CTNND2: variants seen among roughly 807,000 people sequenced by gnomAD.
CTNND2 encodes catenin delta 2, also known as catenin delta-2.
A neutral mutation model predicts 144.4 loss-of-function variants in CTNND2; 22 were observed. The observed-to-expected ratio is 0.15, with a 90% CI of 0.11 to 0.22. The LOEUF is 0.22. CTNND2 is among the 10% of genes least tolerant of loss of function. The pLI is 1.00. For missense variants in CTNND2, 1,353 were observed against 1,618.8 expected, an observed-to-expected ratio of 0.84 and a Z score of 2.82; for synonymous variants, 751 against 695.6, an observed-to-expected ratio of 1.08 and a Z score of -1.25.
chr5:11,451,246 C>A (rs909473713), intron 3 of CTNND2, among the ~76,000 whole-genome samples: 1 of 152,110 alleles, frequency 6.6e-6, no homozygotes, highest in African/African-American at 2.4e-5. Context: ...CATATAATCA[C>A]CTATTTAAAA....
chr5:11,537,785 T>C (rs1774357196), intron 3 of CTNND2, among the ~76,000 whole-genome samples: 1 of 152,190 alleles, frequency 6.6e-6, no homozygotes, highest in African/African-American at 2.4e-5. Context: ...TAAACGTATC[T>C]TAGCATCACA....
chr5:11,485,641 T>A (rs1361293154), intron 3 of CTNND2, among the ~76,000 whole-genome samples: 1 of 152,138 alleles, frequency 6.6e-6, no homozygotes, highest in Non-Finnish European at 1.5e-5. Context: ...CATTATTTGG[T>A]AAACAATAAT....
intron 6 of CTNND2, among the ~76,000 whole-genome samples, chr5:11,386,179 G>C (rs1288833342): frequency 1.3e-5 from 2 of 152,218 alleles, no homozygotes; most frequent in Non-Finnish European, 2.9e-5. Context: ...CTTCTGGGCA[G>C]GAGGTCTCAG....
intron 3 of CTNND2, among the ~76,000 whole-genome samples, chr5:11,520,385 T>C (rs1772616620): frequency 6.6e-6 from 1 of 152,158 alleles, no homozygotes; most frequent in Non-Finnish European, 1.5e-5. Flanking sequence ...CTGTGATACT[T>C]GCTATGAGTG....
chr5:11,833,075 T>A (rs1332259497), intron 1 of CTNND2, among the ~76,000 whole-genome samples: 1 of 152,212 alleles, frequency 6.6e-6, no homozygotes, highest in African/African-American at 2.4e-5. Context: ...GGCAATTCTG[T>A]AAGAGTTTGG....
At chr5:11,029,727 A>G (rs1436956338) in intron 16 of CTNND2, among the ~76,000 whole-genome samples, 1 of 152,250 alleles carries the variant, frequency 6.6e-6, no homozygotes, top group East Asian at 1.9e-4. Flanking sequence ...CAATAATGCT[A>G]GCCTTTAAAC....
At chr5:11,427,046 G>T (rs1344567088) in intron 3 of CTNND2, among the ~76,000 whole-genome samples, 1 of 152,076 alleles carries the variant, frequency 6.6e-6, no homozygotes, top group Non-Finnish European at 1.5e-5. Context: ...CAGTGATTCT[G>T]CAAACAAGTT....
rs1275622204 is a variant in CTNND2, at chr5:10,992,586, A to T, written c.3176T>A (p.Ile1059Asn). The T allele has an allele frequency of 6.2e-7, 1 of 1,613,890 alleles. No individual in the cohort carries two copies. Among genetic ancestry groups the T allele is most frequent in the African/African-American group, 1.3e-5 (1 of 74,970 alleles). ...GTTGGGAGACACGCGCACAGGGGAG[A>T]TGGAGGGCGTGCGGGAGGAGGAGTA... is the stretch of plus-strand genomic sequence containing the variant. The part of the protein sequence containing the change: ...RPYSSSRTPS[I>N]SPVRVSPNNR... Residue 1059 changes from isoleucine to asparagine, a missense_variant, in exon 19 of 22, where the codon ATC (isoleucine) becomes AAC (asparagine). By Grantham distance (149) the Ile-to-Asn change is moderately radical (BLOSUM62 -3). Coordinates refer to ENST00000304623, the MANE Select transcript of CTNND2 (RefSeq NM_001332.4).
chr5:11,123,568 T>C (rs1439914697), intron 12 of CTNND2, among the ~76,000 whole-genome samples: 1 of 152,254 alleles, frequency 6.6e-6, no homozygotes, highest in African/African-American at 2.4e-5. Context: ...GGATCTAATC[T>C]ACATGTGTGC....
chr5:11,259,017 A>C (rs986619269), intron 9 of CTNND2, among the ~76,000 whole-genome samples: 4 of 152,180 alleles, frequency 2.6e-5, no homozygotes, highest in African/African-American at 9.7e-5. Context: ...ATCAAACACA[A>C]ATCCACAAGT....
intron 2 of CTNND2, among the ~76,000 whole-genome samples, chr5:11,654,254 A>G (rs1384569431): frequency 1.3e-5 from 2 of 151,982 alleles, no homozygotes; most frequent in Admixed American, 1.3e-4. Flanking sequence ...TTATTTTTCT[A>G]TTTCTGTAAA....
At chr5:11,240,301 AAC>A (rs1264279066) in intron 9 of CTNND2, among the ~76,000 whole-genome samples, 2 of 93,252 alleles carry the variant, frequency 2.1e-5, no homozygotes, top group African/African-American at 4.2e-5. Flanking sequence ...ACACACACCC[AAC>A]ACACATACAC....
intron 2 of CTNND2, among the ~76,000 whole-genome samples, chr5:11,722,105 G>A (rs1012986133): frequency 6.6e-6 from 1 of 152,098 alleles, no homozygotes; most frequent in Non-Finnish European, 1.5e-5. Flanking sequence ...CTCACTTCCT[G>A]TGTTGATGAA....
chr5:11,209,715 G>A (rs1738423509), intron 10 of CTNND2, among the ~76,000 whole-genome samples: 1 of 152,168 alleles, frequency 6.6e-6, no homozygotes, highest in South Asian at 2.1e-4. Flanking sequence ...GAGGTCAGGA[G>A]ATTGAGACCA....
intron 9 of CTNND2, among the ~76,000 whole-genome samples, chr5:11,285,315 T>C (rs536025386): frequency 6.6e-6 from 1 of 152,304 alleles, no homozygotes; most frequent in South Asian, 2.1e-4. Context: ...GAAGCCCAGT[T>C]CTATAGTGAA....
At chr5:11,069,372 T>G (rs1860243) in intron 16 of CTNND2, among the ~76,000 whole-genome samples, 150,130 of 152,292 alleles carry the variant, frequency 0.99, 74,007 homozygotes, top group East Asian at 1. Flanking sequence ...TGTCTTGGAA[T>G]ATGGGTTAGG....
chr5:11,654,319 T>C (rs1365934170), intron 2 of CTNND2, among the ~76,000 whole-genome samples: 1 of 152,106 alleles, frequency 6.6e-6, no homozygotes, highest in Non-Finnish European at 1.5e-5. Context: ...TAGATCACTT[T>C]GGGTAGTGTG....
chr5:11,703,575 A>G (rs1272084134), intron 2 of CTNND2, among the ~76,000 whole-genome samples: 3 of 152,198 alleles, frequency 2.0e-5, no homozygotes, highest in Admixed American at 6.5e-5. Context: ...TCTTTCTAAC[A>G]TTTATTCAGC....
At chr5:11,195,269 C>T (rs1736746636) in intron 11 of CTNND2, among the ~76,000 whole-genome samples, 1 of 151,922 alleles carries the variant, frequency 6.6e-6, no homozygotes, top group Admixed American at 6.6e-5. Context: ...AATTTTCCAT[C>T]TAGAATTGTG....
Sources: allele counts gnomAD v4.1 joint callset (sites outside exome capture counted in the v4.1 genomes callset), GRCh38; gene constraint gnomAD v4.1.1; transcripts MANE v1.5; gene names NCBI Gene and HGNC (gene_info 2026-07-23, HGNC 2026-07-21).